CTNNA3: variants seen among roughly 807,000 people sequenced by gnomAD.
The protein encoded by CTNNA3 is catenin alpha-3.
CTNNA3 carries 76 observed loss-of-function variants against 95.7 expected under a neutral mutation model. The observed-to-expected ratio is 0.79, with a 90% confidence interval of 0.66 to 0.96. The LOEUF is 0.96. CTNNA3 is among the 40% of genes least tolerant of loss of function. The pLI, the probability that CTNNA3 is intolerant of heterozygous loss-of-function variation, is 0.00. For missense variants in CTNNA3, 1,191 were observed against 1,089.8 expected (o/e 1.09, Z -1.31); for synonymous variants, 431 against 374.4 (o/e 1.15, Z -1.74).
At chr10:66,028,778 A>C (rs1404021594) in intron 15 of CTNNA3, among the ~76,000 whole-genome samples, 3 of 152,188 alleles carry the variant, frequency 2.0e-5, no homozygotes, top group Non-Finnish European at 4.4e-5. Flanking sequence ...TTGGGGAAGC[A>C]GAGATTACTC....
chr10:67,558,462 C>T (rs926534085), intron 3 of CTNNA3, among the ~76,000 whole-genome samples: 2 of 152,156 alleles, frequency 1.3e-5, no homozygotes, highest in African/African-American at 4.8e-5. Flanking sequence ...TGATATATGT[C>T]AAAGTGTTCT....
intron 15 of CTNNA3, among the ~76,000 whole-genome samples, chr10:66,058,811 G>A (rs981608778): frequency 2.0e-5 from 3 of 152,148 alleles, no homozygotes; most frequent in Non-Finnish European, 4.4e-5. Context: ...ATACCAGAAG[G>A]ATTACTGGCT....
intron 7 of CTNNA3, among the ~76,000 whole-genome samples, chr10:67,111,756 T>C (rs1218209917): frequency 6.6e-6 from 1 of 152,032 alleles, no homozygotes; most frequent in Non-Finnish European, 1.5e-5. Flanking sequence ...TATCAACAGA[T>C]AACACGCCAG....
At chr10:67,096,939 TA>T (rs1274991167) in intron 7 of CTNNA3, among the ~76,000 whole-genome samples, 2 of 151,886 alleles carry the variant, frequency 1.3e-5, no homozygotes, top group African/African-American at 2.4e-5. Context: ...ATCTTCATGA[TA>T]AAATAAATAT....
intron 11 of CTNNA3, among the ~76,000 whole-genome samples, chr10:66,475,104 A>G (rs549600107): frequency 6.6e-6 from 1 of 152,016 alleles, no homozygotes; most frequent in African/African-American, 2.4e-5. Flanking sequence ...TAAGTTGTTG[A>G]TTTGTTTTTG....
At chr10:66,662,625 C>T (rs1449370030) in intron 9 of CTNNA3, among the ~76,000 whole-genome samples, 4 of 152,112 alleles carry the variant, frequency 2.6e-5, no homozygotes, top group South Asian at 4.1e-4. Context: ...TAAGGCCAAT[C>T]CTTCCTCTTA....
At chr10:67,739,413 G>A (rs1400207455) in intron 1 of CTNNA3, among the ~76,000 whole-genome samples, 2 of 152,094 alleles carry the variant, frequency 1.3e-5, no homozygotes, top group Non-Finnish European at 2.9e-5. Flanking sequence ...AAACCCCATT[G>A]TCTCAGCCCA....
At chr10:67,313,524 C>G (rs1338027175) in intron 5 of CTNNA3, among the ~76,000 whole-genome samples, 2 of 152,080 alleles carry the variant, frequency 1.3e-5, no homozygotes. Flanking sequence ...TGTGAAATCA[C>G]CAGTCATGTG....
chr10:66,880,142 G>A (rs987516722), intron 7 of CTNNA3, among the ~76,000 whole-genome samples: 3 of 152,094 alleles, frequency 2.0e-5, no homozygotes, highest in African/African-American at 7.2e-5. Context: ...GGGAAGGAAA[G>A]TGAAGAGAAT....
chr10:67,140,574 A>G (rs1313817272), intron 7 of CTNNA3, among the ~76,000 whole-genome samples: 2 of 152,210 alleles, frequency 1.3e-5, no homozygotes, highest in Non-Finnish European at 2.9e-5. Flanking sequence ...GAGATGCCCT[A>G]TAAGTTGGAA....
intron 10 of CTNNA3, among the ~76,000 whole-genome samples, chr10:66,566,433 T>G (rs148581903): frequency 2.0e-5 from 3 of 152,214 alleles, no homozygotes; most frequent in African/African-American, 4.8e-5. Flanking sequence ...ATGGTAAGTC[T>G]GTGCCCAGAT....
At position 67,753,499 on chromosome 10, in the gene CTNNA3, A is replaced by C. The variant is rs184436395; in HGVS notation, c.-2+9935T>G. On this transcript the variant is annotated intron_variant, in intron 1 of 17. Transcript: ENST00000684154. ...TTAAATGAAAGAGCTTCTGCACAGC[A>C]AAAGAAACTATCATCACAGTGAACA... Among the ~76,000 whole-genome samples the C allele has an allele frequency of 6.0e-4, 91 of 152,332 alleles. 2 individuals are homozygous for C. The highest frequency in any genetic ancestry group is 2.1e-3 in the African/African-American group (87 of 41,582).
intron 3 of CTNNA3, among the ~76,000 whole-genome samples, chr10:67,568,651 T>C (rs958102395): frequency 6.6e-6 from 1 of 152,066 alleles, no homozygotes; most frequent in Non-Finnish European, 1.5e-5. Flanking sequence ...GTTACCTGTA[T>C]TGAAAGAGCT....
intron 11 of CTNNA3, among the ~76,000 whole-genome samples, chr10:66,455,661 A>G (rs1911321): frequency 0.42 from 63,787 of 152,006 alleles, 14,626 homozygotes; most frequent in East Asian, 0.6. Flanking sequence ...TATAAATACT[A>G]CTAGCCAATA....
At chr10:66,584,397 C>T (rs754307821) in intron 10 of CTNNA3, among the ~76,000 whole-genome samples, 3 of 151,770 alleles carry the variant, frequency 2.0e-5, no homozygotes, top group Non-Finnish European at 4.4e-5. Context: ...CATGTTATAT[C>T]TTCTTGTTGA....
intron 7 of CTNNA3, among the ~76,000 whole-genome samples, chr10:66,799,857 A>G (rs547069470): frequency 6.6e-6 from 1 of 151,580 alleles, no homozygotes; most frequent in Middle Eastern, 3.4e-3. Context: ...AAAATCTTAA[A>G]AGCAGCCAGA....
chr10:65,983,527 T>G (rs1006907622), intron 16 of CTNNA3, among the ~76,000 whole-genome samples: 8 of 151,506 alleles, frequency 5.3e-5, no homozygotes, highest in Non-Finnish European at 8.9e-5. Flanking sequence ...GATTCATATT[T>G]TACTTCTCCA....
intron 7 of CTNNA3, among the ~76,000 whole-genome samples, chr10:66,905,291 G>T (rs1305152642): frequency 6.6e-6 from 1 of 152,082 alleles, no homozygotes; most frequent in Non-Finnish European, 1.5e-5. Flanking sequence ...AACACCACAT[G>T]TTCTCACTCA....
At chr10:66,696,363 C>T (rs181582702) in intron 9 of CTNNA3, among the ~76,000 whole-genome samples, 2 of 152,214 alleles carry the variant, frequency 1.3e-5, no homozygotes, top group African/African-American at 4.8e-5. Flanking sequence ...AAACTGAAAA[C>T]ATTATCTCAT....
Sources: allele counts gnomAD v4.1 joint callset (sites outside exome capture counted in the v4.1 genomes callset), GRCh38; gene constraint gnomAD v4.1.1; transcripts MANE v1.5; gene names NCBI Gene and HGNC (gene_info 2026-07-23, HGNC 2026-07-21).